VCPKMT: variants seen among roughly 807,000 people sequenced by gnomAD.
The protein encoded by VCPKMT is valosin containing protein lysine methyltransferase.
A neutral mutation model predicts 28.6 loss-of-function variants in VCPKMT; 32 were observed. That is an observed-to-expected ratio of 1.12 (90% CI 0.84 to 1.50). The LOEUF is 1.50. VCPKMT is among the 40% of genes most tolerant of loss of function. The pLI is 0.00. For missense variants in VCPKMT, 366 were observed against 285.0 expected, an observed-to-expected ratio of 1.28 and a Z score of -2.05; for synonymous variants, 138 against 111.4, an observed-to-expected ratio of 1.24 and a Z score of -1.50.
chr14:50,104,958 CA>C (rs1225788844), downstream of VCPKMT, among the ~76,000 whole-genome samples: 1 of 151,840 alleles, frequency 6.6e-6, no homozygotes, highest in African/African-American at 2.4e-5. Flanking sequence ...AAAGATAAAC[CA>C]AATACAATTT....
At chr14:50,114,916 A>G (rs1021089997) in intron 3 of VCPKMT, among the ~76,000 whole-genome samples, 1 of 152,110 alleles carries the variant, frequency 6.6e-6, no homozygotes, top group Non-Finnish European at 1.5e-5. Flanking sequence ...TGTTAACTAA[A>G]CCATGTACTG....
chr14:50,110,010 CTG>C (rs1302182078), intron 5 of VCPKMT, among the ~76,000 whole-genome samples: 1 of 152,200 alleles, frequency 6.6e-6, no homozygotes, highest in East Asian at 1.9e-4. Context: ...CTTTGGGAGG[CTG>C]AGGTGGCAGA....
At chr14:50,105,747 A>G (rs1390480762), downstream of VCPKMT, among the ~76,000 whole-genome samples, 1 of 152,220 alleles carries the variant, frequency 6.6e-6, no homozygotes, top group Non-Finnish European at 1.5e-5. Flanking sequence ...GCAACCTCAA[A>G]GATGTTTAAA....
intron 4 of VCPKMT, 59 bp from the exon 5 acceptor site, chr14:50,112,778 C>T: frequency 8.3e-7 from 1 of 1,201,974 alleles, no homozygotes; most frequent in Admixed American, 2.4e-5. Context: ...CTGTGGGTGA[C>T]AGAAGTCAGA....
chr14:50,114,240 CT>C lies in VCPKMT; in HGVS notation c.570+44del, dbSNP rs771213261. The C allele has an allele frequency of 2.0e-5, 29 of 1,449,124 alleles. No homozygotes were observed. In the East Asian group the frequency reaches 2.3e-4, roughly 12 times the overall value. The allele number at this position is 1,449,124 out of a possible 1,614,324, so 89.8% of individuals were successfully genotyped here. ...ACTTGAAGAGTCACATACAGCCCCC[CT>C]GAAGGGAAATCACTACAAAGATAAT... is the stretch of plus-strand genomic sequence containing the variant. On this transcript the variant is annotated intron_variant, in intron 4 of 5. Transcript: ENST00000395860.
At chr14:50,107,791 C>T (rs1216268275), downstream of VCPKMT, among the ~76,000 whole-genome samples, 2 of 152,152 alleles carry the variant, frequency 1.3e-5, no homozygotes, top group Non-Finnish European at 2.9e-5. Context: ...CAGCCCGACT[C>T]CTCCAGGAAA....
At chr14:50,114,591 T>C (rs557115264) in intron 3 of VCPKMT, among the ~76,000 whole-genome samples, 187 bp from the exon 4 acceptor site, 1 of 152,222 alleles carries the variant, frequency 6.6e-6, no homozygotes, top group South Asian at 2.1e-4. Context: ...ATATCAACAC[T>C]TTGGAAGGCA....
chr14:50,112,049 C>CT (rs1882697727), intron 5 of VCPKMT: 1 of 985,026 alleles, frequency 1.0e-6, no homozygotes, highest in South Asian at 4.7e-5. Flanking sequence ...GTGCATTTAT[C>CT]TTTTATGGAC....
intron 1 of VCPKMT, 49 bp downstream of exon 1, chr14:50,116,238 T>A: frequency 6.2e-7 from 1 of 1,611,730 alleles, no homozygotes; most frequent in Non-Finnish European, 8.5e-7. Flanking sequence ...AATCCGGATT[T>A]CCCCAGCAAG....
At chr14:50,115,065 A>G (rs117766128) in intron 3 of VCPKMT, among the ~76,000 whole-genome samples, 3,120 of 152,226 alleles carry the variant, frequency 0.02, 72 homozygotes, top group Non-Finnish European at 0.026. Context: ...TTTCCCTACA[A>G]AAGTTAAATC....
intron 5 of VCPKMT, among the ~76,000 whole-genome samples, chr14:50,110,509 G>C (rs544678219): frequency 6.6e-6 from 1 of 152,140 alleles, no homozygotes; most frequent in Non-Finnish European, 1.5e-5. Context: ...ACAGTTTAGA[G>C]ACTATCTCAT....
downstream of VCPKMT, among the ~76,000 whole-genome samples, chr14:50,104,141 G>A (rs1336109292): frequency 6.6e-6 from 1 of 152,218 alleles, no homozygotes; most frequent in Non-Finnish European, 1.5e-5. Context: ...TGCTGACACT[G>A]TTTTCAGAAT....
downstream of VCPKMT, among the ~76,000 whole-genome samples, chr14:50,103,886 T>C (rs1882235279): frequency 6.6e-6 from 1 of 152,206 alleles, no homozygotes; most frequent in Non-Finnish European, 1.5e-5. Context: ...ATTTTCCAAG[T>C]GCCCACCTGT....
rs780201859 is a variant in VCPKMT, at chr14:50,109,653, T to C, written c.*46A>G. ...TATTCACATGCTCTATTCACATCTT[T>C]AGTTTACCCAGGTTGTTAGAGCCTT... is the stretch of plus-strand genomic sequence containing the variant. On this transcript the variant is annotated 3_prime_UTR_variant, in exon 6 of 6. Coordinates refer to ENST00000395860, the MANE Select transcript of VCPKMT (RefSeq NM_024558.3). 5 of 1,582,678 alleles carry C rather than the reference T, an allele frequency of 3.2e-6. No homozygotes were observed. The highest frequency in any genetic ancestry group is 2.3e-5 in the East Asian group (1 of 44,382).
At chr14:50,102,739 G>T in the VCPKMT span, among the ~76,000 whole-genome samples, 2 of 152,156 alleles carry the variant, frequency 1.3e-5, no homozygotes, top group Non-Finnish European at 2.9e-5. Context: ...TTTTAATTTT[G>T]CTTTGCAAGG....
At position 50,115,881 on chromosome 14, in the gene VCPKMT, T is replaced by G; in HGVS notation, c.408A>C (p.Pro136=). ...AGTCGGCCATCAGTATGAAGTCGGG[T>G]GGAGAAGGAAAGCCTTCTATTTCTT... The part of the protein sequence containing the change: ...WGEEIEGFPS[P]PDFILMADCI... Residue 136 remains proline, a synonymous_variant, in exon 3 of 6, where the codon CCA becomes CCC. Transcript: ENST00000395860. 2.5e-6 allele frequency: 4 copies of G among 1,613,562 alleles called. No homozygotes were observed. Among genetic ancestry groups the G allele is most frequent in the Non-Finnish European group, 3.4e-6 (4 of 1,179,530 alleles).
Position 50,116,332 on chromosome 14 carries a change from A to C in VCPKMT, c.221T>G (p.Leu74Arg). 1 of 1,610,592 alleles carries C rather than the reference A, an allele frequency of 6.2e-7. No homozygotes were observed. Among genetic ancestry groups the C allele is most frequent in the Non-Finnish European group, 8.5e-7 (1 of 1,178,528 alleles). ...CCCCACGGCCCCGGTGCCCGAACCC[A>C]GCTCCAGCACCGACCGCCGGCTCAG... ...HALSRRSVLE[L>R]GSGTGAVGLM... Residue 74 changes from leucine to arginine, a missense_variant, in exon 1 of 6, where the codon CTG (leucine) becomes CGG (arginine). Coordinates refer to ENST00000395860, the MANE Select transcript of VCPKMT (RefSeq NM_024558.3).
intron 5 of VCPKMT, 44 bp downstream of exon 5, chr14:50,112,571 G>T: frequency 7.6e-7 from 1 of 1,308,064 alleles, no homozygotes; most frequent in Non-Finnish European, 1.1e-6. Context: ...GTGTCCAGCT[G>T]ATGAAACCTC....
chr14:50,105,769 T>C (rs1206947024), downstream of VCPKMT, among the ~76,000 whole-genome samples: 1 of 152,196 alleles, frequency 6.6e-6, no homozygotes, highest in Non-Finnish European at 1.5e-5. Flanking sequence ...TTATAACTGG[T>C]GTACAGAAGA....
Sources: allele counts gnomAD v4.1 joint callset (sites outside exome capture counted in the v4.1 genomes callset), GRCh38; gene constraint gnomAD v4.1.1; transcripts MANE v1.5; gene names NCBI Gene and HGNC (gene_info 2026-07-23, HGNC 2026-07-21).